The following IPMK variants were observed in gnomAD, a reference collection of about 807,000 sequenced individuals.
IPMK encodes inositol 1,3,4,6-tetrakisphosphate 5-kinase.
Under a neutral mutation model 45.8 loss-of-function variants are expected in IPMK, and 17 were observed. That is an observed-to-expected ratio of 0.37 (90% CI 0.25 to 0.56). The LOEUF is 0.56. IPMK is among the 20% of genes least tolerant of loss of function. IPMK has a pLI of 0.79. For missense variants in IPMK, 399 were observed against 498.0 expected, an observed-to-expected ratio of 0.80 and a Z score of 1.89; for synonymous variants, 180 against 184.3, an observed-to-expected ratio of 0.98 and a Z score of 0.19.
intron 4 of IPMK, among the ~76,000 whole-genome samples, chr10:58,199,678 T>C (rs1378431254): frequency 6.6e-6 from 1 of 152,226 alleles, no homozygotes; most frequent in Admixed American, 6.5e-5. Flanking sequence ...ATGATGTCTT[T>C]TATATTATTA....
chr10:58,217,911 C>T (rs1037351542), intron 3 of IPMK, among the ~76,000 whole-genome samples: 1 of 151,722 alleles, frequency 6.6e-6, no homozygotes, highest in African/African-American at 2.4e-5. Flanking sequence ...TTTCATTATC[C>T]CCATTCCACC....
chr10:58,214,371 A>G (rs1057358378), intron 4 of IPMK, among the ~76,000 whole-genome samples: 1 of 152,232 alleles, frequency 6.6e-6, no homozygotes, highest in African/African-American at 2.4e-5. Flanking sequence ...TTTTTTCTAA[A>G]GCAGAAAGCA....
rs983976243 is a variant in IPMK at position 58,216,184 on chromosome 10, T to C, written c.507A>G (p.Pro169=). 5 of 1,609,596 alleles carry C rather than the reference T, an allele frequency of 3.1e-6. No homozygotes were observed. The highest frequency in any genetic ancestry group is 4.2e-6 in the Non-Finnish European group (5 of 1,178,464). ...EKIQQQVSKY[P]LMEEIGFLVL... is the part of the protein sequence containing the mutation. Reference sequence around the variant, plus strand: ...CCAAGAACCCAATCTCTTCCATTAATGGGTACTTGCTGACCTGTTGCTGAA... The same window carrying C: ...CCAAGAACCCAATCTCTTCCATTAACGGGTACTTGCTGACCTGTTGCTGAA... Residue 169 remains proline (P), a synonymous_variant, in exon 4 of 6, where the codon CCA becomes CCG. Transcript: ENST00000373935.
In IPMK at chr10:58,195,952, G is replaced by A. The variant is rs1837885876; in HGVS notation, c.*124C>T. Reference sequence around the variant, plus strand: ...AAAAAAGTTAACCATTCTTCCAAAAGTATAAAGACAAATAAAATGTCGACT... The same window carrying A: ...AAAAAAGTTAACCATTCTTCCAAAAATATAAAGACAAATAAAATGTCGACT... On this transcript the variant is annotated 3_prime_UTR_variant, in exon 6 of 6. Coordinates refer to ENST00000373935, the MANE Select transcript of IPMK (RefSeq NM_152230.5). The A allele has an allele frequency of 3.3e-6, 3 of 914,964 alleles. No homozygotes were observed. Among genetic ancestry groups the A allele is most frequent in the Non-Finnish European group, 5.0e-6 (3 of 599,620 alleles). 56.7% of individuals were successfully genotyped at this position (914,964 alleles called of 1,614,324 possible). A position where few individuals can be genotyped will look rare whatever the true frequency, so the allele number is the denominator to read the frequency against.
At chr10:58,203,100 C>A (rs2132144587) in intron 4 of IPMK, among the ~76,000 whole-genome samples, 1 of 152,038 alleles carries the variant, frequency 6.6e-6, no homozygotes, top group East Asian at 1.9e-4. Flanking sequence ...GGGAGGAGGT[C>A]AAAATATCAA....
chr10:58,228,678 C>T (rs1017325051), intron 2 of IPMK, among the ~76,000 whole-genome samples: 3 of 152,168 alleles, frequency 2.0e-5, no homozygotes, highest in African/African-American at 7.2e-5. Context: ...GGACTACAGG[C>T]GTCCGCCACC....
At chr10:58,245,328 G>C (rs1838780604) in intron 1 of IPMK, among the ~76,000 whole-genome samples, 1 of 151,918 alleles carries the variant, frequency 6.6e-6, no homozygotes, top group Non-Finnish European at 1.5e-5. Context: ...AGATGAAAAA[G>C]TAGGCTAGAA....
At chr10:58,259,126 G>A (rs1839017315) in intron 1 of IPMK, among the ~76,000 whole-genome samples, 1 of 152,142 alleles carries the variant, frequency 6.6e-6, no homozygotes, top group African/African-American at 2.4e-5. Flanking sequence ...AGTCCAGTCT[G>A]TGAATGGACA....
chr10:58,237,437 C>G (rs757764121), intron 2 of IPMK, among the ~76,000 whole-genome samples: 1 of 152,160 alleles, frequency 6.6e-6, no homozygotes, highest in Non-Finnish European at 1.5e-5. Flanking sequence ...ACAGAGCATA[C>G]CATTTGTTTC....
intron 1 of IPMK, among the ~76,000 whole-genome samples, chr10:58,241,563 T>C (rs142147838): frequency 6.0e-4 from 91 of 152,266 alleles, no homozygotes; most frequent in Non-Finnish European, 1.1e-3. Flanking sequence ...CAAAATGCCA[T>C]AGACTGAGCA....
At chr10:58,227,238 G>GAGT in intron 2 of IPMK, 99 bp from the exon 3 acceptor site, 2 of 868,568 alleles carry the variant, frequency 2.3e-6, no homozygotes, top group Admixed American at 2.6e-5. Flanking sequence ...TAATTCATCT[G>GAGT]GTATGGCTTC....
At chr10:58,230,128 G>A (rs1838490496) in intron 2 of IPMK, among the ~76,000 whole-genome samples, 1 of 152,158 alleles carries the variant, frequency 6.6e-6, no homozygotes, top group Non-Finnish European at 1.5e-5. Flanking sequence ...CATTGCTGAG[G>A]CTTGGTAAAC....
intron 2 of IPMK, among the ~76,000 whole-genome samples, chr10:58,230,147 T>A (rs1838491029): frequency 6.6e-6 from 1 of 152,092 alleles, no homozygotes; most frequent in South Asian, 2.1e-4. Context: ...ACAAAGAAGC[T>A]GGGAAGCTCG....
intron 1 of IPMK, among the ~76,000 whole-genome samples, chr10:58,261,062 CA>C (rs1453135981): frequency 6.9e-6 from 1 of 144,054 alleles, no homozygotes; most frequent in Non-Finnish European, 1.5e-5. Flanking sequence ...AATAAAAGGC[CA>C]AAAGCAAATC....
chr10:58,257,431 G>T (rs1463106308), intron 1 of IPMK, among the ~76,000 whole-genome samples: 1 of 152,106 alleles, frequency 6.6e-6, no homozygotes, highest in Non-Finnish European at 1.5e-5. Flanking sequence ...GGGGGCAGAG[G>T]TTGCAGTGAG....
At chr10:58,222,182 G>T (rs1310444082) in intron 3 of IPMK, among the ~76,000 whole-genome samples, 2 of 152,152 alleles carry the variant, frequency 1.3e-5, no homozygotes, top group Non-Finnish European at 2.9e-5. Flanking sequence ...AATGTGCCTG[G>T]TAAGATAGAT....
intron 1 of IPMK, among the ~76,000 whole-genome samples, chr10:58,264,518 AC>A (rs1839120063): frequency 6.6e-6 from 1 of 152,218 alleles, no homozygotes; most frequent in Non-Finnish European, 1.5e-5. Context: ...TTTTTAAAGA[AC>A]TTAATGATAC....
chr10:58,222,240 T>A (rs1366102147), intron 3 of IPMK, among the ~76,000 whole-genome samples: 1 of 152,212 alleles, frequency 6.6e-6, no homozygotes, highest in Non-Finnish European at 1.5e-5. Flanking sequence ...AGGTCAAGAA[T>A]ATAAATTAGG....
intron 1 of IPMK, among the ~76,000 whole-genome samples, chr10:58,247,915 C>T (rs1838825999): frequency 6.6e-6 from 1 of 152,074 alleles, no homozygotes; most frequent in South Asian, 2.1e-4. Flanking sequence ...GGAAGTAAAG[C>T]CCTCTAATTA....
Sources: gnomAD v4.1 joint callset for allele counts (sites outside exome capture counted in the v4.1 genomes callset) on GRCh38, gnomAD v4.1.1 for gene constraint, MANE v1.5 for transcripts, NCBI Gene and HGNC (gene_info 2026-07-23, HGNC 2026-07-21) for gene names.